Variants in LRRC3B observed in about 807,000 individuals in gnomAD.
LRRC3B encodes leucine rich repeat containing 3B.
A neutral mutation model predicts 12.8 loss-of-function variants in LRRC3B; 2 were observed. The observed-to-expected ratio is 0.16, with a 90% confidence interval of 0.06 to 0.49. The LOEUF is 0.49. LRRC3B is among the 20% of genes least tolerant of loss of function. The pLI is 0.96. For missense variants in LRRC3B, 189 were observed against 319.4 expected (o/e 0.59, Z 3.11); for synonymous variants, 132 against 122.0 (o/e 1.08, Z -0.54).
chr3:26,710,046 T>A, exon 2 of LRRC3B: 1 of 1,614,044 alleles, frequency 6.2e-7, no homozygotes, highest in Non-Finnish European at 8.5e-7. Context: ...GACAATCGGA[T>A]TCAAAGTGTG....
intron 1 of LRRC3B, among the ~76,000 whole-genome samples, chr3:26,649,865 TCACTTCTTAACA>T (rs1459148197): frequency 1.3e-5 from 2 of 152,168 alleles, no homozygotes; most frequent in Non-Finnish European, 2.9e-5. Flanking sequence ...AAATGTTTCT[TCACTTCTTAACA>T]CACTTTCCCT....
chr3:26,658,991 G>A (rs1332502063), intron 1 of LRRC3B, among the ~76,000 whole-genome samples: 1 of 152,174 alleles, frequency 6.6e-6, no homozygotes, highest in East Asian at 1.9e-4. Context: ...TAATGATTTT[G>A]CACAATGCAT....
Position 26,639,223 on chromosome 3 carries a change from T to C in LRRC3B, c.-161+15986T>C, listed in dbSNP as rs938524888. Among the ~76,000 whole-genome samples, 8 of 152,320 alleles carry C rather than the reference T, an allele frequency of 5.3e-5. No homozygotes were observed. In the South Asian group the frequency reaches 1.7e-3, roughly 32 times the overall value. ...AAAGGTATAGTTAATTTCAGTAATA[T>C]ACTTAACCCAGTATATTCAAAATTA... is the stretch of plus-strand genomic sequence containing the variant. On this transcript the variant is annotated intron_variant, in intron 1 of 1. Coordinates refer to ENST00000396641, the Ensembl canonical transcript of LRRC3B.
At chr3:26,671,714 G>A (rs1699753217) in intron 1 of LRRC3B, among the ~76,000 whole-genome samples, 1 of 151,944 alleles carries the variant, frequency 6.6e-6, no homozygotes, top group South Asian at 2.1e-4. Context: ...TTTATACATG[G>A]AGTGATCAAC....
chr3:26,634,122 GA>G (rs1292192608), intron 1 of LRRC3B, among the ~76,000 whole-genome samples: 1 of 151,542 alleles, frequency 6.6e-6, no homozygotes, highest in East Asian at 2.0e-4. Context: ...TTCTTATTTT[GA>G]ATATGATTCT....
intron 1 of LRRC3B, among the ~76,000 whole-genome samples, chr3:26,645,644 T>C (rs1699127864): frequency 6.6e-6 from 1 of 152,160 alleles, no homozygotes; most frequent in African/African-American, 2.4e-5. Context: ...TCTTAGGCTC[T>C]GGAGGTAAGA....
At chr3:26,707,876 T>A (rs1285912363) in intron 1 of LRRC3B, among the ~76,000 whole-genome samples, 1 of 152,132 alleles carries the variant, frequency 6.6e-6, no homozygotes, top group African/African-American at 2.4e-5. Flanking sequence ...TCATTGCCAA[T>A]GAAATGATCT....
intron 1 of LRRC3B, among the ~76,000 whole-genome samples, chr3:26,634,242 T>C (rs1357299125): frequency 6.6e-6 from 1 of 152,264 alleles, no homozygotes; most frequent in Non-Finnish European, 1.5e-5. Flanking sequence ...AGGAGCTTTT[T>C]GGATGATGGA....
rs370348460 is a variant in LRRC3B at position 26,669,561 on chromosome 3, A to G, written c.-160-39952A>G. On this transcript the variant is annotated intron_variant, in intron 1 of 1. Transcript: ENST00000396641. ...CCAAGAATCATGTAGCTGAACTCCA[A>G]TTTTCACTAATTGCTTGATTTTTAT... 4.6e-5 allele frequency among the ~76,000 whole-genome samples: 7 copies of G among 152,170 alleles called. No homozygotes were observed. In the East Asian group the frequency reaches 9.6e-4, roughly 21 times the overall value.
intron 1 of LRRC3B, chr3:26,701,225 G>C (rs1006019675): frequency 2.0e-5 from 3 of 152,002 alleles, no homozygotes; most frequent in Non-Finnish European, 4.4e-5. Context: ...TTTGTTTCAG[G>C]CTCAAAGGGA....
intron 1 of LRRC3B, among the ~76,000 whole-genome samples, chr3:26,665,147 T>G (rs1699573298): frequency 6.6e-6 from 1 of 151,962 alleles, no homozygotes; most frequent in African/African-American, 2.4e-5. Flanking sequence ...TCTAAGGGAA[T>G]GTGGGCAGAG....
intron 1 of LRRC3B, among the ~76,000 whole-genome samples, chr3:26,697,868 A>G (rs1232934605): frequency 6.6e-6 from 1 of 152,180 alleles, no homozygotes; most frequent in Non-Finnish European, 1.5e-5. Flanking sequence ...GGTGCCCACA[A>G]AATGTTAGCC....
At chr3:26,629,940 CA>C (rs1698718374) in intron 1 of LRRC3B, among the ~76,000 whole-genome samples, 1 of 102,100 alleles carries the variant, frequency 9.8e-6, no homozygotes, top group Non-Finnish European at 1.9e-5. Flanking sequence ...AAGGTGGGGG[CA>C]GGAGAGAAAG....
At chr3:26,683,415 C>A (rs1425607590) in intron 1 of LRRC3B, among the ~76,000 whole-genome samples, 2 of 149,724 alleles carry the variant, frequency 1.3e-5, no homozygotes, top group Non-Finnish European at 2.9e-5. Context: ...CTTTGGGGCC[C>A]ACCAGTTTAG....
intron 1 of LRRC3B, among the ~76,000 whole-genome samples, chr3:26,630,531 C>A (rs575777257): frequency 2.0e-5 from 3 of 152,014 alleles, no homozygotes; most frequent in African/African-American, 7.3e-5. Flanking sequence ...ACTATTGTTT[C>A]GAAGTAGGAA....
chr3:26,710,670 A>G (rs1700730742), exon 2 of LRRC3B: 2 of 449,220 alleles, frequency 4.5e-6, no homozygotes, highest in East Asian at 6.8e-5. Context: ...TATATTTCTG[A>G]GTAAGCTACT....
chr3:26,671,849 C>CTCTT (rs1699756261), intron 1 of LRRC3B, among the ~76,000 whole-genome samples: 1 of 152,178 alleles, frequency 6.6e-6, no homozygotes, highest in South Asian at 2.1e-4. Context: ...AGAATTCTTT[C>CTCTT]TCTTACATTT....
At chr3:26,686,318 A>T (rs2125445769) in intron 1 of LRRC3B, among the ~76,000 whole-genome samples, 1 of 152,270 alleles carries the variant, frequency 6.6e-6, no homozygotes, top group Non-Finnish European at 1.5e-5. Context: ...TGGCCTCGTG[A>T]TCCGCCTGCC....
At chr3:26,658,517 T>C (rs1242187107) in intron 1 of LRRC3B, among the ~76,000 whole-genome samples, 1 of 152,232 alleles carries the variant, frequency 6.6e-6, no homozygotes, top group African/African-American at 2.4e-5. Context: ...TTGGCATTTC[T>C]AACAAGTTTT....
Sources: gnomAD v4.1 joint callset for allele counts (sites outside exome capture counted in the v4.1 genomes callset) on GRCh38, gnomAD v4.1.1 for gene constraint, MANE v1.5 for transcripts, NCBI Gene and HGNC (gene_info 2026-07-23, HGNC 2026-07-21) for gene names.